LRRTM4: variants seen among roughly 807,000 people sequenced by gnomAD.
LRRTM4 encodes the protein leucine rich repeat transmembrane neuronal 4.
LRRTM4 carries 25 observed loss-of-function variants against 47.6 expected under a neutral mutation model. The observed-to-expected ratio is 0.53, with a 90% CI of 0.38 to 0.73. LRRTM4 has a LOEUF of 0.73. Among genes scored for constraint, LRRTM4 ranks in the 30% least tolerant of loss-of-function variants. The pLI is 0.00. For synonymous variants in LRRTM4, 311 were observed against 269.5 expected (o/e 1.15, Z -1.51); for missense variants, 638 against 713.4 (o/e 0.89, Z 1.20).
At chr2:77,474,660 C>A (rs1312357997) in intron 3 of LRRTM4, among the ~76,000 whole-genome samples, 3 of 152,040 alleles carry the variant, frequency 2.0e-5, no homozygotes, top group Admixed American at 1.3e-4. Flanking sequence ...TTTTAGATTT[C>A]TTCTTTGTAC....
intron 3 of LRRTM4, among the ~76,000 whole-genome samples, chr2:76,894,611 G>T (rs1014945819): frequency 4.0e-5 from 6 of 151,846 alleles, no homozygotes; most frequent in South Asian, 4.1e-4. Flanking sequence ...TCTAGGATGG[G>T]CAAAGGCTCT....
At chr2:77,484,765 G>T (rs1223809265) in intron 3 of LRRTM4, among the ~76,000 whole-genome samples, 1 of 151,824 alleles carries the variant, frequency 6.6e-6, no homozygotes, top group African/African-American at 2.4e-5. Context: ...AAGTTTTCAG[G>T]TTTTTTTTCT....
At chr2:76,864,657 TC>T (rs1452752946) in intron 3 of LRRTM4, among the ~76,000 whole-genome samples, 4 of 131,180 alleles carry the variant, frequency 3.0e-5, no homozygotes, top group East Asian at 2.2e-4. Context: ...TGAAACTCCA[TC>T]CCAAAAAAAA....
intron 3 of LRRTM4, among the ~76,000 whole-genome samples, chr2:77,317,552 G>A (rs924361061): frequency 1.3e-5 from 2 of 151,978 alleles, no homozygotes; most frequent in Non-Finnish European, 2.9e-5. Flanking sequence ...AAAGATTATC[G>A]TAAACACTAA....
chr2:76,896,710 T>G (rs1399625171), intron 3 of LRRTM4, among the ~76,000 whole-genome samples: 1 of 151,444 alleles, frequency 6.6e-6, no homozygotes, highest in African/African-American at 2.4e-5. Flanking sequence ...GAGTCAGTCT[T>G]ATTTTTAAAT....
intron 3 of LRRTM4, among the ~76,000 whole-genome samples, chr2:77,333,037 G>T (rs1393435579): frequency 1.3e-5 from 2 of 152,144 alleles, no homozygotes; most frequent in Non-Finnish European, 2.9e-5. Flanking sequence ...TTTAAAAATG[G>T]CAGTTTTTGT....
chr2:77,106,468 T>TA (rs1671094732), intron 3 of LRRTM4, among the ~76,000 whole-genome samples: 2 of 152,182 alleles, frequency 1.3e-5, no homozygotes, highest in Non-Finnish European at 2.9e-5. Flanking sequence ...CCTCTGCACT[T>TA]ACTTTTTATC....
At chr2:76,933,967 A>G (rs1282767279) in intron 3 of LRRTM4, among the ~76,000 whole-genome samples, 1 of 152,126 alleles carries the variant, frequency 6.6e-6, no homozygotes, top group African/African-American at 2.4e-5. Flanking sequence ...AGTCTGTCCT[A>G]TTCAGATACA....
chr2:77,366,468 T>G (rs1016967863), intron 3 of LRRTM4, among the ~76,000 whole-genome samples: 19 of 151,864 alleles, frequency 1.3e-4, no homozygotes, highest in African/African-American at 4.3e-4. Context: ...GTATTCTTGT[T>G]TCTACCCCAA....
At chr2:77,336,933 C>A (rs898318875) in intron 3 of LRRTM4, among the ~76,000 whole-genome samples, 1 of 152,060 alleles carries the variant, frequency 6.6e-6, no homozygotes, top group African/African-American at 2.4e-5. Flanking sequence ...AATTATGTGT[C>A]TCTTTTCAGA....
At chr2:77,324,287 T>C (rs1421361586) in intron 3 of LRRTM4, among the ~76,000 whole-genome samples, 10 of 152,262 alleles carry the variant, frequency 6.6e-5, no homozygotes, top group Admixed American at 2.6e-4. Context: ...ATAAAGCAGA[T>C]AAGGTTTTTA....
At chr2:77,012,185 T>G (rs560887527) in intron 3 of LRRTM4, among the ~76,000 whole-genome samples, 4 of 152,032 alleles carry the variant, frequency 2.6e-5, no homozygotes, top group African/African-American at 9.7e-5. Flanking sequence ...AAATGCACCA[T>G]AGGCAAGCAG....
At chr2:77,220,276 G>A (rs558291907) in intron 3 of LRRTM4, among the ~76,000 whole-genome samples, 98 of 152,232 alleles carry the variant, frequency 6.4e-4, no homozygotes, top group African/African-American at 1.9e-3. Flanking sequence ...CAGAAAAACC[G>A]GAAACTCTAA....
At chr2:77,138,833 T>A (rs1672028718) in intron 3 of LRRTM4, among the ~76,000 whole-genome samples, 1 of 152,130 alleles carries the variant, frequency 6.6e-6, no homozygotes, top group Non-Finnish European at 1.5e-5. Flanking sequence ...CATCAAAGAA[T>A]ACTATACACA....
intron 3 of LRRTM4, among the ~76,000 whole-genome samples, chr2:77,485,929 G>T (rs1190282933): frequency 6.6e-6 from 1 of 151,238 alleles, no homozygotes; most frequent in Non-Finnish European, 1.5e-5. Flanking sequence ...GGGGAGACGT[G>T]GTTTCACCAT....
chr2:77,029,031 T>TCACA (rs201640727), intron 3 of LRRTM4, among the ~76,000 whole-genome samples: 3 of 98,464 alleles, frequency 3.0e-5, no homozygotes, highest in East Asian at 2.8e-4. Context: ...CGAGAGTCCA[T>TCACA]CACACACACA....
chr2:77,285,789 A>G (rs909063577), intron 3 of LRRTM4, among the ~76,000 whole-genome samples: 6 of 151,966 alleles, frequency 3.9e-5, no homozygotes, highest in Non-Finnish European at 7.4e-5. Flanking sequence ...AAAGAAAATA[A>G]GCAACATATA....
chr2:77,017,639 C>G (rs1324129707), intron 3 of LRRTM4, among the ~76,000 whole-genome samples: 1 of 152,104 alleles, frequency 6.6e-6, no homozygotes, highest in East Asian at 1.9e-4. Context: ...AGTACTTAAA[C>G]CAAATACACT....
intron 3 of LRRTM4, among the ~76,000 whole-genome samples, chr2:77,353,248 C>T (rs950437210): frequency 4.6e-5 from 7 of 152,112 alleles, no homozygotes; most frequent in Non-Finnish European, 7.4e-5. Flanking sequence ...CTTTCTTTCC[C>T]TTTTGATTTG....
Sources: gnomAD v4.1 joint callset for allele counts (sites outside exome capture counted in the v4.1 genomes callset) on GRCh38, gnomAD v4.1.1 for gene constraint, MANE v1.5 for transcripts, NCBI Gene and HGNC (gene_info 2026-07-23, HGNC 2026-07-21) for gene names.